PAK1: variants seen among roughly 807,000 people sequenced by gnomAD.
PAK1 encodes the protein p21 (RAC1) activated kinase 1, also known as serine/threonine-protein kinase PAK 1.
In PAK1, 29 loss-of-function variants were observed where a neutral mutation model predicts 67.4. That is an observed-to-expected ratio of 0.43 (90% CI 0.32 to 0.59). The LOEUF (loss-of-function observed/expected upper bound fraction) is 0.59. Ranked by LOEUF, PAK1 falls within the 20% of genes least tolerant of loss-of-function variation. The pLI, the probability that PAK1 is intolerant of heterozygous loss-of-function variation, is 0.07. For synonymous variants in PAK1, 223 were observed against 237.4 expected, an observed-to-expected ratio of 0.94 and a Z score of 0.56; for missense variants, 337 against 670.7, an observed-to-expected ratio of 0.50 and a Z score of 5.50.
At chr11:77,481,473 G>C in the PAK1 span, among the ~76,000 whole-genome samples, 2 of 151,824 alleles carry the variant, frequency 1.3e-5, no homozygotes, top group Non-Finnish European at 2.9e-5. Flanking sequence ...TCAATAGGTC[G>C]AGACCATCCT....
chr11:77,499,822 G>C, the PAK1 span, among the ~76,000 whole-genome samples: 1 of 152,118 alleles, frequency 6.6e-6, no homozygotes, highest in Non-Finnish European at 1.5e-5. Context: ...TACACACACA[G>C]AGCAGTAGAC....
intron 6 of PAK1, among the ~76,000 whole-genome samples, chr11:77,357,178 C>T (rs982336657): frequency 2.0e-5 from 3 of 152,142 alleles, no homozygotes; most frequent in Admixed American, 6.5e-5. Flanking sequence ...TGCGATGATG[C>T]AAAGCCATTG....
At chr11:77,383,350 G>C (rs1950078553) in intron 2 of PAK1, among the ~76,000 whole-genome samples, 1 of 145,502 alleles carries the variant, frequency 6.9e-6, no homozygotes, top group Non-Finnish European at 1.5e-5. Context: ...TTGAGACAGA[G>C]TCTCACTCTT....
rs530264401 is a variant in PAK1 at position 77,338,031 on chromosome 11, G to C, written c.1117-608C>G. Among the ~76,000 whole-genome samples the C allele has an allele frequency of 9.9e-5, 15 of 152,226 alleles. No individual in the cohort carries two copies. In the South Asian group the frequency reaches 3.1e-3, roughly 32 times the overall value. On this transcript the variant is annotated intron_variant, in intron 11 of 14. Coordinates refer to ENST00000356341, the MANE Select transcript of PAK1 (RefSeq NM_002576.5). ...ATAAAAATGGTTGAACCCGGCAAAG[G>C]GTAAAGGAGAAAGAGAAGAATCTTG...
At chr11:77,385,025 T>G (rs1466449897) in intron 2 of PAK1, among the ~76,000 whole-genome samples, 1 of 152,182 alleles carries the variant, frequency 6.6e-6, no homozygotes, top group Non-Finnish European at 1.5e-5. Flanking sequence ...TCAATCATGA[T>G]TAGAAACTCT....
intron 9 of PAK1, among the ~76,000 whole-genome samples, chr11:77,346,451 T>G (rs1944437986): frequency 1.3e-5 from 2 of 152,226 alleles, no homozygotes; most frequent in Admixed American, 6.5e-5. Flanking sequence ...ACAAGCTCTC[T>G]GAGCCTCAGT....
chr11:77,362,272 T>A (rs1165095747), intron 5 of PAK1, among the ~76,000 whole-genome samples: 1 of 152,182 alleles, frequency 6.6e-6, no homozygotes, highest in African/African-American at 2.4e-5. Flanking sequence ...ACTTTGTAAG[T>A]TCGTTCTTCT....
chr11:77,521,153 T>A, the PAK1 span, among the ~76,000 whole-genome samples: 2 of 152,154 alleles, frequency 1.3e-5, no homozygotes, highest in Admixed American at 6.5e-5. Flanking sequence ...GCCTTTTAAT[T>A]TCTGTTATTG....
intron 11 of PAK1, among the ~76,000 whole-genome samples, chr11:77,337,673 T>C (rs1333130723): frequency 6.6e-6 from 1 of 151,736 alleles, no homozygotes; most frequent in African/African-American, 2.4e-5. Context: ...AGTAAAGGAG[T>C]TCCTCCAATG....
At chr11:77,498,690 A>ATT in the PAK1 span, among the ~76,000 whole-genome samples, 1 of 79,168 alleles carries the variant, frequency 1.3e-5, no homozygotes, top group African/African-American at 4.3e-5. Context: ...CCTTGCTTGT[A>ATT]ATTTTTTTTT....
At chr11:77,528,009 C>T in the PAK1 span, among the ~76,000 whole-genome samples, 1 of 151,966 alleles carries the variant, frequency 6.6e-6, no homozygotes, top group Non-Finnish European at 1.5e-5. Flanking sequence ...GCCACCATGC[C>T]CAGCTAATTT....
intron 1 of PAK1, among the ~76,000 whole-genome samples, chr11:77,418,190 C>A (rs1288448130): frequency 6.6e-6 from 1 of 152,088 alleles, no homozygotes; most frequent in African/African-American, 2.4e-5. Context: ...TCATTAGACA[C>A]AAAATTACTC....
At chr11:77,373,704 G>C (rs1948735310) in intron 5 of PAK1, among the ~76,000 whole-genome samples, 1 of 152,006 alleles carries the variant, frequency 6.6e-6, no homozygotes. Context: ...GAGAGACAGA[G>C]AGATCATCTA....
the PAK1 span, among the ~76,000 whole-genome samples, chr11:77,512,494 C>A: frequency 6.6e-6 from 1 of 152,174 alleles, no homozygotes; most frequent in Admixed American, 6.5e-5. Flanking sequence ...GGGATGGGAG[C>A]TAGTATTGGG....
chr11:77,355,756 G>A lies in PAK1; in HGVS notation c.684C>T (p.Asn228=), dbSNP rs1424681897. Residue 228 remains asparagine (N), a synonymous_variant, in exon 7 of 15, where the codon AAC becomes AAT. Coordinates refer to ENST00000356341, the MANE Select transcript of PAK1 (RefSeq NM_002576.5). ...ATSPISPTEN[N]TTPPDALTRN... is the part of the protein sequence containing the mutation. Reference sequence around the variant, plus strand: ...GGGTCAAAGCATCTGGTGGAGTGGTGTTATTTTCAGTAGGTGAAATGGGAG... The same window carrying A: ...GGGTCAAAGCATCTGGTGGAGTGGTATTATTTTCAGTAGGTGAAATGGGAG... 15 of 1,612,950 alleles carry A rather than the reference G, an allele frequency of 9.3e-6. No individual in the cohort carries two copies. Among genetic ancestry groups the A allele is most frequent in the Non-Finnish European group, 1.2e-5 (14 of 1,178,962 alleles).
At chr11:77,462,121 T>A (rs896437204) in intron 1 of PAK1, among the ~76,000 whole-genome samples, 71 of 151,466 alleles carry the variant, frequency 4.7e-4, no homozygotes, top group Non-Finnish European at 4.4e-4. Flanking sequence ...GGTCAGGAGA[T>A]CGAGACCATC....
chr11:77,370,800 C>T (rs1948330471), intron 5 of PAK1, among the ~76,000 whole-genome samples: 1 of 152,152 alleles, frequency 6.6e-6, no homozygotes, highest in Non-Finnish European at 1.5e-5. Context: ...TATCTTGATC[C>T]AATTTCCAAA....
At chr11:77,465,751 T>C (rs1317535004) in intron 1 of PAK1, among the ~76,000 whole-genome samples, 1 of 151,484 alleles carries the variant, frequency 6.6e-6, no homozygotes, top group African/African-American at 2.4e-5. Context: ...TTCACTTGAG[T>C]CCAGCCTGGG....
At chr11:77,326,408 C>A (rs1199481038) in intron 14 of PAK1, among the ~76,000 whole-genome samples, 2 of 152,114 alleles carry the variant, frequency 1.3e-5, no homozygotes, top group Non-Finnish European at 2.9e-5. Context: ...AACTTATGTT[C>A]CATGGATGGG....
Sources: gnomAD v4.1 joint callset for allele counts (sites outside exome capture counted in the v4.1 genomes callset) on GRCh38, gnomAD v4.1.1 for gene constraint, MANE v1.5 for transcripts, NCBI Gene and HGNC (gene_info 2026-07-23, HGNC 2026-07-21) for gene names.